ABAT: variants seen among roughly 807,000 people sequenced by gnomAD.
The protein encoded by ABAT is 4-aminobutyrate aminotransferase, mitochondrial.
In ABAT, 45 loss-of-function variants were observed where a neutral mutation model predicts 64.6. The ratio of observed to expected loss-of-function variants is 0.70; its 90% CI spans 0.55 to 0.89. The LOEUF is 0.89. Among genes scored for constraint, ABAT ranks in the 40% least tolerant of loss-of-function variants. ABAT has a pLI of 0.00. For synonymous variants in ABAT, 297 were observed against 250.5 expected, an observed-to-expected ratio of 1.19 and a Z score of -1.75; for missense variants, 633 against 658.4, an observed-to-expected ratio of 0.96 and a Z score of 0.42.
intron 1 of ABAT, among the ~76,000 whole-genome samples, chr16:8,693,874 C>A (rs1414067536): frequency 6.6e-6 from 1 of 152,094 alleles, no homozygotes; most frequent in Admixed American, 6.6e-5. Context: ...CACACACAGT[C>A]ATAAGAAATG....
chr16:8,772,946 A>G, intron 12 of ABAT, 29 bp downstream of exon 12: 1 of 1,612,446 alleles, frequency 6.2e-7, no homozygotes, highest in African/African-American at 1.3e-5. Context: ...GGTTGGATGG[A>G]GCCATTGGGT....
chr16:8,752,160 T>G (rs2059506954), intron 5 of ABAT, among the ~76,000 whole-genome samples: 1 of 152,198 alleles, frequency 6.6e-6, no homozygotes, highest in South Asian at 2.1e-4. Context: ...CTCACACCTA[T>G]TTATTTGCCA....
At chr16:8,779,651 C>A in intron 15 of ABAT, 61 bp downstream of exon 15, 2 of 1,375,298 alleles carry the variant, frequency 1.5e-6, no homozygotes, top group Non-Finnish European at 2.1e-6. Flanking sequence ...GCTGTAGCTG[C>A]CACATGTTGC....
chr16:8,761,344 C>T (rs543877321), intron 6 of ABAT, among the ~76,000 whole-genome samples: 52 of 152,284 alleles, frequency 3.4e-4, no homozygotes, highest in Non-Finnish European at 4.6e-4. Context: ...CCAAACTGTG[C>T]CGCGTGTGGA....
Position 8,762,006 on chromosome 16 carries a change from C to CCTTCTT in ABAT, c.367-2056_367-2051dup, listed in dbSNP as rs572002488. Among the ~76,000 whole-genome samples the CCTTCTT allele has an allele frequency of 9.2e-4, 132 of 142,810 alleles. 1 individual carries two copies. The highest frequency in any genetic ancestry group is 2.8e-3 in the African/African-American group (114 of 40,354). The allele number at this position is 142,810 out of a possible 152,430, so 93.7% of individuals were successfully genotyped here. A position where few individuals can be genotyped will look rare whatever the true frequency, so the allele number is the denominator to read the frequency against. Reference sequence around the variant, plus strand: ...TTCTCCTTCTCCTTCTCCTTCTTCTCCTTCTTCTTCTTTCTTCTTTCTCTC... The same window carrying CCTTCTT: ...TTCTCCTTCTCCTTCTCCTTCTTCTCCTTCTTCTTCTTCTTCTTTCTTCTTTCTCTC... On this transcript the variant is annotated intron_variant, in intron 6 of 15. Coordinates refer to ENST00000268251, the MANE Select transcript of ABAT (RefSeq NM_020686.6).
intron 5 of ABAT, among the ~76,000 whole-genome samples, chr16:8,752,085 C>T (rs139335422): frequency 1.3e-5 from 2 of 152,222 alleles, no homozygotes; most frequent in Non-Finnish European, 2.9e-5. Flanking sequence ...TGCTCAGAAG[C>T]CTGGAGCCTT....
intron 8 of ABAT, among the ~76,000 whole-genome samples, chr16:8,765,335 C>CA (rs143330523): frequency 0.036 from 4,828 of 134,086 alleles, 116 homozygotes; most frequent in Non-Finnish European, 0.052. Context: ...GACCCTGTCT[C>CA]AAAAAAAAAA....
chr16:8,747,634 C>T (rs552134805), intron 3 of ABAT, among the ~76,000 whole-genome samples: 210 of 152,128 alleles, frequency 1.4e-3, no homozygotes, highest in Middle Eastern at 3.4e-3. Context: ...AATATCAAAG[C>T]GGCTAGTTTC....
chr16:8,769,365 G>A (rs975300594), intron 11 of ABAT, among the ~76,000 whole-genome samples: 9 of 151,964 alleles, frequency 5.9e-5, no homozygotes, highest in African/African-American at 1.9e-4. Flanking sequence ...CCAGGAGTTC[G>A]AGACCAGCCT....
chr16:8,678,504 C>A (rs2057256554), intron 1 of ABAT, among the ~76,000 whole-genome samples: 1 of 152,236 alleles, frequency 6.6e-6, no homozygotes, highest in African/African-American at 2.4e-5. Flanking sequence ...AAGACCATCA[C>A]CCGCTTCTCC....
At chr16:8,762,952 A>G (rs937951278) in intron 6 of ABAT, among the ~76,000 whole-genome samples, 9 of 151,964 alleles carry the variant, frequency 5.9e-5, no homozygotes, top group African/African-American at 2.2e-4. Flanking sequence ...ATAAAAAAAT[A>G]CAAAAAATTA....
At chr16:8,710,719 A>AGGGAGG (rs1401739937) in intron 1 of ABAT, among the ~76,000 whole-genome samples, 6 of 133,700 alleles carry the variant, frequency 4.5e-5, no homozygotes, top group African/African-American at 1.5e-4. Flanking sequence ...AGAGAGAGAG[A>AGGGAGG]GAGAGAGAGA....
chr16:8,708,236 C>G (rs1393163604), intron 1 of ABAT, among the ~76,000 whole-genome samples: 1 of 152,108 alleles, frequency 6.6e-6, no homozygotes, highest in African/African-American at 2.4e-5. Context: ...GTAAGAAGTT[C>G]AGAGTTAGTT....
Position 8,772,865 on chromosome 16 carries a change from A to G in ABAT, c.902A>G (p.Asp301Gly). 3 of 1,614,030 alleles carry G rather than the reference A, an allele frequency of 1.9e-6. No homozygotes were observed. ...IVEPIQSEGGDNHASDDFFRK... is the reference protein window; with the variant it reads ...IVEPIQSEGGGNHASDDFFRK... ...GAGCCCATCCAGTCCGAGGGTGGAG[A>G]CAACCACGCATCCGATGACTTCTTT... Residue 301 changes from aspartate to glycine, a missense_variant, in exon 12 of 16, where the codon GAC becomes GGC. Asp to Gly is a moderately conservative substitution (Grantham distance 94). Transcript: ENST00000268251.
At chr16:8,759,067 A>C (rs2142863181) in intron 6 of ABAT, among the ~76,000 whole-genome samples, 1 of 152,200 alleles carries the variant, frequency 6.6e-6, no homozygotes, top group Non-Finnish European at 1.5e-5. Context: ...GTGCCACTGC[A>C]CTCCAGCTTG....
chr16:8,711,397 G>A lies in ABAT; in HGVS notation c.-41-24302G>A, dbSNP rs183415160. On this transcript the variant is annotated intron_variant, in intron 1 of 15. Transcript: ENST00000268251. ...AGAGGGTGGAGCCCAGAGCTACCGT[G>A]GAAGTCAAATTCCGTGGCGTGGTGG... Among the ~76,000 whole-genome samples, 109 of 152,296 alleles carry A rather than the reference G, an allele frequency of 7.2e-4. 1 individual carries two copies. The highest frequency in any genetic ancestry group is 5.6e-3 in the Admixed American group (85 of 15,298).
chr16:8,750,351 A>C, intron 4 of ABAT, 71 bp from the exon 5 acceptor site: 1 of 1,297,978 alleles, frequency 7.7e-7, no homozygotes. Flanking sequence ...TCACTGATTC[A>C]AGCTTAATCC....
At chr16:8,704,625 T>C in intron 1 of ABAT, among the ~76,000 whole-genome samples, 1 of 152,212 alleles carries the variant, frequency 6.6e-6, no homozygotes, top group East Asian at 1.9e-4. Flanking sequence ...CAGTTTATGA[T>C]TTTGTTTTTT....
chr16:8,730,408 C>T (rs1181581936), intron 1 of ABAT, among the ~76,000 whole-genome samples: 2 of 152,172 alleles, frequency 1.3e-5, no homozygotes, highest in East Asian at 1.9e-4. Context: ...ATCCTGGGCT[C>T]GGTGCCTGAT....
Sources: gnomAD v4.1 joint callset for allele counts (sites outside exome capture counted in the v4.1 genomes callset) on GRCh38, gnomAD v4.1.1 for gene constraint, MANE v1.5 for transcripts, NCBI Gene and HGNC (gene_info 2026-07-23, HGNC 2026-07-21) for gene names.